Variants in SLC39A11 observed in about 807,000 individuals in gnomAD.
SLC39A11 encodes the protein solute carrier family 39 member 11.
Under a neutral mutation model 36.1 loss-of-function variants are expected in SLC39A11, and 33 were observed. That is an observed-to-expected ratio of 0.91 (90% confidence interval 0.69 to 1.22). SLC39A11 has a LOEUF of 1.22. SLC39A11 is among the 50% of genes most tolerant of loss of function. The pLI, the probability that SLC39A11 is intolerant of heterozygous loss-of-function variation, is 0.00. For missense variants in SLC39A11, 432 were observed against 430.3 expected (o/e 1.00, Z -0.03); for synonymous variants, 166 against 170.3 (o/e 0.97, Z 0.20).
At chr17:72,987,989 CTTTT>C (rs201676915) in intron 4 of SLC39A11, among the ~76,000 whole-genome samples, 1 of 152,094 alleles carries the variant, frequency 6.6e-6, no homozygotes, top group Non-Finnish European at 1.5e-5. Flanking sequence ...AGTCAGCTCT[CTTTT>C]TTATTATTTT....
At chr17:72,651,901 G>A (rs1416314893) in intron 7 of SLC39A11, among the ~76,000 whole-genome samples, 2 of 152,108 alleles carry the variant, frequency 1.3e-5, no homozygotes, top group Non-Finnish European at 2.9e-5. Context: ...CATTTCCCAC[G>A]AGTCTACCCA....
At chr17:72,723,203 T>C (rs1190912828) in intron 7 of SLC39A11, among the ~76,000 whole-genome samples, 2 of 152,066 alleles carry the variant, frequency 1.3e-5, no homozygotes, top group East Asian at 3.9e-4. Flanking sequence ...GTCAGGTGCT[T>C]GTCAGGTGAA....
chr17:72,921,751 G>A lies in SLC39A11; in HGVS notation c.430+26001C>T, dbSNP rs570507259. Among the ~76,000 whole-genome samples the A allele has an allele frequency of 1.1e-4, 13 of 119,222 alleles. No individual in the cohort carries two copies. The East Asian group carries it at 2.4e-3, about 22-fold the overall frequency. 78.2% of individuals were successfully genotyped at this position (119,222 alleles called of 152,430 possible). ...TTCCACTTATATCCATTTATTAAGT[G>A]CCTATTACCATATCTCACCAAATTC... On this transcript the variant is annotated intron_variant, in intron 5 of 9. Coordinates refer to ENST00000255559, the MANE Select transcript of SLC39A11 (RefSeq NM_139177.4).
chr17:73,061,275 G>A (rs114510075), intron 3 of SLC39A11, among the ~76,000 whole-genome samples: 15 of 152,186 alleles, frequency 9.9e-5, no homozygotes, highest in Admixed American at 5.2e-4. Context: ...CCAGAGAACC[G>A]TTTCAACCCA....
At chr17:73,010,890 G>A (rs1346495117) in intron 4 of SLC39A11, among the ~76,000 whole-genome samples, 1 of 152,192 alleles carries the variant, frequency 6.6e-6, no homozygotes, top group African/African-American at 2.4e-5. Flanking sequence ...CAACTTCGAT[G>A]CCGTAAGGAA....
chr17:73,026,837 G>T (rs1030231502), intron 4 of SLC39A11, among the ~76,000 whole-genome samples: 2 of 152,044 alleles, frequency 1.3e-5, no homozygotes, highest in South Asian at 4.2e-4. Context: ...GGCGGGCCAG[G>T]TGTGGTAGCT....
chr17:72,774,823 T>G (rs59090354), intron 6 of SLC39A11, among the ~76,000 whole-genome samples: 9,601 of 152,228 alleles, frequency 0.063, 350 homozygotes, highest in African/African-American at 0.086. Context: ...GCTAGATTGC[T>G]TTACTCTTCT....
chr17:72,867,336 A>C (rs1598186593), intron 5 of SLC39A11, among the ~76,000 whole-genome samples: 1 of 152,002 alleles, frequency 6.6e-6, no homozygotes, highest in Admixed American at 6.6e-5. Context: ...CCCGTCTCTA[A>C]TAAAAATACA....
chr17:73,005,860 G>T (rs1405808017), intron 4 of SLC39A11, among the ~76,000 whole-genome samples: 1 of 152,034 alleles, frequency 6.6e-6, no homozygotes, highest in Non-Finnish European at 1.5e-5. Context: ...CTAAGGCAAG[G>T]GAATCGCTTG....
chr17:72,765,051 A>C (rs1439367335), intron 6 of SLC39A11, among the ~76,000 whole-genome samples: 1 of 152,154 alleles, frequency 6.6e-6, no homozygotes, highest in Admixed American at 6.5e-5. Context: ...AAACTAAACT[A>C]CCTTTGTAAA....
chr17:72,757,577 A>G (rs1469329430), intron 6 of SLC39A11, among the ~76,000 whole-genome samples: 1 of 151,782 alleles, frequency 6.6e-6, no homozygotes, highest in African/African-American at 2.4e-5. Flanking sequence ...TTATGCCACC[A>G]TTAGTGGCAG....
chr17:72,907,153 T>C (rs1382757374), intron 5 of SLC39A11, among the ~76,000 whole-genome samples: 1 of 152,218 alleles, frequency 6.6e-6, no homozygotes, highest in Non-Finnish European at 1.5e-5. Context: ...CTCATATCTC[T>C]TCCTGTCCTG....
chr17:72,939,457 C>CAA (rs2084962236), intron 5 of SLC39A11, among the ~76,000 whole-genome samples: 23 of 11,036 alleles, frequency 2.1e-3, no homozygotes, highest in Admixed American at 0.01. Flanking sequence ...GGTTCCGTCT[C>CAA]GAAAAAAAAA....
chr17:72,818,422 T>A (rs373840142), intron 6 of SLC39A11, among the ~76,000 whole-genome samples: 31 of 152,252 alleles, frequency 2.0e-4, no homozygotes, highest in African/African-American at 7.2e-4. Flanking sequence ...TGAAGTAGCT[T>A]GTTCCGAGAG....
At position 72,845,791 on chromosome 17, in the gene SLC39A11, C is replaced by T. The variant is rs572179136; in HGVS notation, c.601+3843G>A. Among the ~76,000 whole-genome samples, 4 of 152,278 alleles carry T rather than the reference C, an allele frequency of 2.6e-5. No homozygotes were observed. In the South Asian group the frequency reaches 8.3e-4, roughly 32 times the overall value. ...AAATGTCCCTTCAAACCTCTCCATC[C>T]AGTCAAGCCAGCTGTCCTCCAGTTT... On this transcript the variant is annotated intron_variant, in intron 6 of 9. Transcript: ENST00000255559.
chr17:72,957,851 G>A (rs1028020751), intron 4 of SLC39A11, among the ~76,000 whole-genome samples: 3 of 151,780 alleles, frequency 2.0e-5, no homozygotes, highest in South Asian at 2.1e-4. Flanking sequence ...TTAGCCAGGC[G>A]TGATGGCTTG....
chr17:72,766,915 A>G (rs532364405), intron 6 of SLC39A11, among the ~76,000 whole-genome samples: 1 of 152,272 alleles, frequency 6.6e-6, no homozygotes, highest in South Asian at 2.1e-4. Context: ...GAGACATGCC[A>G]GCCCCAAGAT....
At chr17:72,960,041 T>G (rs2147908596) in intron 4 of SLC39A11, among the ~76,000 whole-genome samples, 1 of 152,360 alleles carries the variant, frequency 6.6e-6, no homozygotes, top group South Asian at 2.1e-4. Context: ...TGTTTAATCC[T>G]ATATTTCCCA....
At chr17:72,798,414 C>CTTTTTTTTTTTTTTTTT (rs145211486) in intron 6 of SLC39A11, among the ~76,000 whole-genome samples, 1 of 140,634 alleles carries the variant, frequency 7.1e-6, no homozygotes. Context: ...CCACTTCTTT[C>CTTTTTTTTTTTTTTTTT]TTTCTTTTTT....
Sources: gnomAD v4.1 joint callset for allele counts (sites outside exome capture counted in the v4.1 genomes callset) on GRCh38, gnomAD v4.1.1 for gene constraint, MANE v1.5 for transcripts, NCBI Gene and HGNC (gene_info 2026-07-23, HGNC 2026-07-21) for gene names.